Variants in TMLHE observed in about 807,000 individuals in gnomAD.
TMLHE encodes trimethyllysine hydroxylase, epsilon.
A neutral mutation model predicts 25.7 loss-of-function variants in TMLHE; 18 were observed. That is an observed-to-expected ratio of 0.70 (90% CI 0.48 to 1.04). TMLHE has a LOEUF of 1.04. Ranked by LOEUF, TMLHE falls within the 50% of genes least tolerant of loss-of-function variation. TMLHE has a pLI of 0.00. For missense variants in TMLHE, 236 were observed against 259.0 expected (o/e 0.91, Z 0.61); for synonymous variants, 105 against 97.0 (o/e 1.08, Z -0.49).
At chrX:155,546,021 C>G (rs1235188744) in intron 1 of TMLHE, among the ~76,000 whole-genome samples, 2 of 110,083 alleles carry the variant, frequency 1.8e-5, no homozygotes, top group Non-Finnish European at 3.8e-5. Context: ...CTAATCACCC[C>G]TATTCCGACT....
At chrX:155,549,688 T>G (rs2067399420) in intron 1 of TMLHE, among the ~76,000 whole-genome samples, 1 of 110,234 alleles carries the variant, frequency 9.1e-6, no homozygotes, top group African/African-American at 3.4e-5. Context: ...TGTGTGTATG[T>G]GTGTGTGTCA....
At chrX:155,603,775 A>T (rs1181922999) in intron 1 of TMLHE, among the ~76,000 whole-genome samples, 1 of 112,383 alleles carries the variant, frequency 8.9e-6, no homozygotes, top group Non-Finnish European at 1.9e-5. Flanking sequence ...ATAACACAGA[A>T]TGAATCAGAG....
chrX:155,534,755 G>C (rs376536605), intron 2 of TMLHE, among the ~76,000 whole-genome samples: 1 of 111,460 alleles, frequency 9.0e-6, no homozygotes, highest in African/African-American at 3.3e-5. Flanking sequence ...CGGGGTTGTT[G>C]GGATGGAAGG....
intron 1 of TMLHE, among the ~76,000 whole-genome samples, chrX:155,560,429 G>A (rs186163903): frequency 9.2e-6 from 1 of 109,203 alleles, no homozygotes; most frequent in African/African-American, 3.3e-5. Context: ...CTTCTAGTGG[G>A]AGAAGGTAGA....
chrX:155,511,781 T>C lies in TMLHE; in HGVS notation c.650A>G (p.Tyr217Cys). Reference sequence around the variant, plus strand: ...TGAAGTGAAATACCACATCCTCCCATAAATGGTTTCTCTGTTAGTTGAAAT... The same window carrying C: ...TGAAGTGAAATACCACATCCTCCCACAAATGGTTTCTCTGTTAGTTGAAAT... ...ERISLIRETI[Y>C]GRMWYFTSDF... Residue 217 changes from tyrosine to cysteine, a missense_variant, in exon 5 of 8, where the codon TAT becomes TGT. Coordinates refer to ENST00000334398, the MANE Select transcript of TMLHE (RefSeq NM_018196.4). The C allele has an allele frequency of 8.5e-7, 1 of 1,175,309 alleles. No individual in the cohort carries two copies. Among genetic ancestry groups the C allele is most frequent in the Non-Finnish European group, 1.1e-6 (1 of 871,603 alleles).
intron 1 of TMLHE, among the ~76,000 whole-genome samples, chrX:155,590,881 ATAAT>A (rs1557345814): frequency 9.0e-6 from 1 of 111,443 alleles, no homozygotes; most frequent in Admixed American, 9.6e-5. Flanking sequence ...TAAGTATAAA[ATAAT>A]TAAACATTCA....
intron 1 of TMLHE, among the ~76,000 whole-genome samples, chrX:155,548,529 TATGAGGCCAGCCTGACTAAC>T (rs1286840476): frequency 1.9e-5 from 2 of 107,649 alleles, no homozygotes; most frequent in South Asian, 7.8e-4. Context: ...AGGTCAGCAG[TATGAGGCCAGCCTGACTAAC>T]ATGGTGAAAC....
rs1471534543 is a variant in TMLHE at position 155,587,219 on chromosome X, A to G, written c.-2+25573T>C. ...TGGAAGGATGGTTCAACATATGTAA[A>G]CCAATATATGTGCTACAACCCATCA... is the stretch of plus-strand genomic sequence containing the variant. On this transcript the variant is annotated intron_variant, in intron 1 of 7. Coordinates refer to ENST00000334398, the MANE Select transcript of TMLHE (RefSeq NM_018196.4). 3.6e-5 allele frequency among the ~76,000 whole-genome samples: 4 copies of G among 112,228 alleles called. No individual in the cohort carries two copies. In the Admixed American group the frequency reaches 3.8e-4, roughly 11 times the overall value.
At chrX:155,512,020 T>C (rs1406014258) in intron 4 of TMLHE, among the ~76,000 whole-genome samples, 1 of 111,236 alleles carries the variant, frequency 9.0e-6, no homozygotes, top group Non-Finnish European at 1.9e-5. Context: ...AAGTATAATA[T>C]TGTATTATGA....
intron 1 of TMLHE, among the ~76,000 whole-genome samples, chrX:155,600,239 G>A (rs933424567): frequency 2.5e-4 from 28 of 111,484 alleles, no homozygotes; most frequent in Admixed American, 6.7e-4. Context: ...ATTTGTAGCC[G>A]TCACATTCAT....
At chrX:155,559,621 A>G (rs1271774703) in intron 1 of TMLHE, among the ~76,000 whole-genome samples, 1 of 112,195 alleles carries the variant, frequency 8.9e-6, no homozygotes, top group Non-Finnish European at 1.9e-5. Flanking sequence ...CAATTACATA[A>G]TAGGTCAATC....
At chrX:155,548,044 A>G (rs2067366357) in intron 1 of TMLHE, among the ~76,000 whole-genome samples, 2 of 111,983 alleles carry the variant, frequency 1.8e-5, no homozygotes, top group Admixed American at 1.9e-4. Flanking sequence ...CTGGATATCC[A>G]TATGCAGAAG....
At chrX:155,508,299 CAAATT>C (rs1463578821) in intron 5 of TMLHE, among the ~76,000 whole-genome samples, 2 of 110,550 alleles carry the variant, frequency 1.8e-5, no homozygotes, top group Non-Finnish European at 3.8e-5. Context: ...AAGTAAAAAG[CAAATT>C]AAAATAAGAA....
chrX:155,556,848 G>A (rs1463839512), intron 1 of TMLHE, among the ~76,000 whole-genome samples: 23 of 111,235 alleles, frequency 2.1e-4, no homozygotes, highest in African/African-American at 7.5e-4. Flanking sequence ...TACGCCCCGG[G>A]GGGGCCAGTT....
At chrX:155,543,914 A>G (rs1485893068) in intron 2 of TMLHE, among the ~76,000 whole-genome samples, 5 of 112,085 alleles carry the variant, frequency 4.5e-5, no homozygotes. Flanking sequence ...CTCTGTGGGT[A>G]CCAGAAGCAT....
At chrX:155,543,783 G>A (rs2067326809) in intron 2 of TMLHE, among the ~76,000 whole-genome samples, 1 of 112,083 alleles carries the variant, frequency 8.9e-6, no homozygotes, top group East Asian at 2.8e-4. Context: ...GTTTTGTAAT[G>A]TTGTTATTGT....
chrX:155,530,273 T>A (rs782226435), intron 2 of TMLHE, among the ~76,000 whole-genome samples: 1 of 111,651 alleles, frequency 9.0e-6, no homozygotes, highest in South Asian at 3.8e-4. Context: ...TGCCATAATA[T>A]GGATGAACCT....
chrX:155,555,955 T>G (rs1263160991), intron 1 of TMLHE, among the ~76,000 whole-genome samples: 1 of 110,132 alleles, frequency 9.1e-6, no homozygotes, highest in African/African-American at 3.3e-5. Flanking sequence ...CATGCCTATG[T>G]CCTGAATGGT....
At chrX:155,540,202 T>C (rs1259537780) in intron 2 of TMLHE, among the ~76,000 whole-genome samples, 1 of 109,402 alleles carries the variant, frequency 9.1e-6, no homozygotes, top group Non-Finnish European at 1.9e-5. Flanking sequence ...AACAAACAAC[T>C]CCAGTTGGAA....
Sources: gnomAD v4.1 joint callset for allele counts (sites outside exome capture counted in the v4.1 genomes callset) on GRCh38, gnomAD v4.1.1 for gene constraint, MANE v1.5 for transcripts, NCBI Gene and HGNC (gene_info 2026-07-23, HGNC 2026-07-21) for gene names.